Variants in MANSC4 observed in about 807,000 individuals in gnomAD.
The protein encoded by MANSC4 is MANSC domain-containing protein 4.
MANSC4 carries 11 observed loss-of-function variants against 11.4 expected under a neutral mutation model. The ratio of observed to expected loss-of-function variants is 0.97; its 90% CI spans 0.61 to 1.60. The LOEUF (loss-of-function observed/expected upper bound fraction) is 1.60, where lower values mean the gene tolerates loss of function less well. Ranked by LOEUF, MANSC4 falls within the 40% of genes most tolerant of loss-of-function variation. The pLI, the probability that MANSC4 is intolerant of heterozygous loss-of-function variation, is 0.00. For missense variants in MANSC4, 354 were observed against 404.6 expected (o/e 0.88, Z 1.07); for synonymous variants, 123 against 147.1 (o/e 0.84, Z 1.19).
At chr12:27,766,861 C>T (rs1267808705) in intron 2 of MANSC4, 62 bp from the exon 3 acceptor site, 1 of 1,505,006 alleles carries the variant, frequency 6.6e-7, no homozygotes, top group Admixed American at 2.1e-5. Context: ...ATTTCATGAA[C>T]TCTGAGTAAC....
chr12:27,763,970 C>T (rs968616015), intron 3 of MANSC4, among the ~76,000 whole-genome samples: 5 of 152,030 alleles, frequency 3.3e-5, no homozygotes, highest in Admixed American at 6.6e-5. Flanking sequence ...TGAGCTCAAG[C>T]GATCCGCCCG....
At position 27,777,516 on chromosome 12, in the gene MANSC4, C is replaced by T. The variant is rs1051833941; in HGVS notation, c.-307+2694G>A. ...GCTGCTAAATGCTTGATCACTCACT[C>T]CACCTCCTGCTCCAAAGCTTATCGT... On this transcript the variant is annotated intron_variant, in intron 1 of 3. Transcript: ENST00000381273. Among the ~76,000 whole-genome samples the T allele has an allele frequency of 6.6e-5, 10 of 152,210 alleles. 1 individual carries two copies. Among genetic ancestry groups the T allele is most frequent in the African/African-American group, 2.4e-4 (10 of 41,452 alleles).
rs1019509537 is a variant in MANSC4, at chr12:27,780,007, G to C, written c.-307+203C>G. On this transcript the variant is annotated intron_variant, in intron 1 of 3. Coordinates refer to ENST00000381273, the MANE Select transcript of MANSC4 (RefSeq NM_001146221.5). The surrounding 1 kb of genome is among the most constrained non-coding windows in gnomAD (Gnocchi z 8.8). Reference sequence around the variant, plus strand: ...GCGGGCGGAAGTGAGAAGGGCGGCGGGGGAGGAGGCTGCTGGCTGGGAGCT... The same window carrying C: ...GCGGGCGGAAGTGAGAAGGGCGGCGCGGGAGGAGGCTGCTGGCTGGGAGCT... 1.6e-3 allele frequency: 244 copies of C among 152,658 alleles called. 2 individuals are homozygous for C. The highest frequency in any genetic ancestry group is 2.3e-4 in the Non-Finnish European group (16 of 68,570). The allele number at this position is 152,658 out of a possible 1,614,324, so 9.5% of individuals were successfully genotyped here. A position where few individuals can be genotyped will look rare whatever the true frequency, so the allele number is the denominator to read the frequency against.
chr12:27,779,809 C>G (rs1196735703), intron 1 of MANSC4: 2 of 152,026 alleles, frequency 1.3e-5, no homozygotes, highest in African/African-American at 2.4e-5. Flanking sequence ...TCACTGCAGC[C>G]CCCAACAAGC....
At chr12:27,779,280 C>T (rs1359436077) in intron 1 of MANSC4, among the ~76,000 whole-genome samples, 2 of 152,202 alleles carry the variant, frequency 1.3e-5, no homozygotes, top group Non-Finnish European at 2.9e-5. Flanking sequence ...CCAATTTTGT[C>T]AGATCTTTTG....
chr12:27,764,361 C>T (rs1037495866), intron 3 of MANSC4, among the ~76,000 whole-genome samples: 5 of 152,144 alleles, frequency 3.3e-5, no homozygotes, highest in African/African-American at 1.2e-4. Context: ...ACTTCCTGAT[C>T]ACTCACGTCA....
chr12:27,764,574 A>AT (rs200651974), intron 3 of MANSC4, among the ~76,000 whole-genome samples: 2,330 of 151,888 alleles, frequency 0.015, 54 homozygotes, highest in African/African-American at 0.054. Context: ...TTTCAGCTGT[A>AT]TTTTCTCTTC....
At chr12:27,776,333 A>G (rs544991721) in intron 1 of MANSC4, among the ~76,000 whole-genome samples, 2 of 152,244 alleles carry the variant, frequency 1.3e-5, no homozygotes, top group South Asian at 4.1e-4. Flanking sequence ...TTGTTTTCCA[A>G]TTTTTTGTTA....
intron 1 of MANSC4, among the ~76,000 whole-genome samples, chr12:27,773,628 G>T (rs192608646): frequency 5.9e-5 from 9 of 152,346 alleles, no homozygotes; most frequent in African/African-American, 2.2e-4. Context: ...AGTAGCTGTT[G>T]AGTGGAGAGT....
chr12:27,777,867 G>A (rs920709810), intron 1 of MANSC4, among the ~76,000 whole-genome samples: 6 of 151,970 alleles, frequency 3.9e-5, no homozygotes, highest in African/African-American at 1.5e-4. Flanking sequence ...GGATCCCTTG[G>A]GGCCAGGAGT....
intron 1 of MANSC4, among the ~76,000 whole-genome samples, chr12:27,775,024 A>AAATAAAT: frequency 8.9e-6 from 1 of 112,728 alleles, no homozygotes; most frequent in Non-Finnish European, 1.9e-5. Context: ...ATTCCGTCTC[A>AAATAAAT]AAATAAATAA....
chr12:27,768,219 G>A (rs1327248222), intron 2 of MANSC4, among the ~76,000 whole-genome samples: 3 of 151,042 alleles, frequency 2.0e-5, no homozygotes, highest in Non-Finnish European at 4.4e-5. Context: ...CCAACATGGC[G>A]AAACGTCGTC....
chr12:27,763,202 T>A lies in MANSC4; in HGVS notation c.559A>T (p.Asn187Tyr), dbSNP rs1234123308. The A allele has an allele frequency of 1.3e-6, 2 of 1,551,694 alleles. No individual in the cohort carries two copies. The highest frequency in any genetic ancestry group is 4.9e-5 in the East Asian group (2 of 40,922). The change falls in exon 4 of 4, where the codon AAC (asparagine) becomes TAC (tyrosine). Residue 187 changes from asparagine (N) to tyrosine (Y), a missense_variant. Coordinates refer to ENST00000381273, the MANE Select transcript of MANSC4 (RefSeq NM_001146221.5). ...AATTCCTTAGAATAACTGGTACTGT[T>A]TGTGTTTACAACCAAATCTTGATGC... is the stretch of plus-strand genomic sequence containing the variant. Reference protein sequence around the residue: ...TTHQDLVVNTNSTSYSKELTT... With the variant: ...TTHQDLVVNTYSTSYSKELTT...
At chr12:27,770,461 A>G (rs1180059724) in intron 2 of MANSC4, among the ~76,000 whole-genome samples, 2 of 152,112 alleles carry the variant, frequency 1.3e-5, no homozygotes, top group African/African-American at 4.8e-5. Flanking sequence ...GATTACAGGC[A>G]TTAGCCACCG....
At chr12:27,767,073 G>A (rs1034494586) in intron 2 of MANSC4, among the ~76,000 whole-genome samples, 2 of 152,084 alleles carry the variant, frequency 1.3e-5, no homozygotes, top group African/African-American at 4.8e-5. Flanking sequence ...TAGACCTCCC[G>A]GGTCCAAGCA....
chr12:27,776,745 C>A (rs1022804272), intron 1 of MANSC4, among the ~76,000 whole-genome samples: 14 of 152,032 alleles, frequency 9.2e-5, no homozygotes, highest in African/African-American at 2.7e-4. Flanking sequence ...CAGAGTGAGA[C>A]CCTGTCTAAA....
chr12:27,767,781 C>T (rs540354042), intron 2 of MANSC4, among the ~76,000 whole-genome samples: 378 of 152,224 alleles, frequency 2.5e-3, no homozygotes, highest in Non-Finnish European at 2.8e-3. Context: ...TACTAAGGGG[C>T]TGGGGGTCAC....
At chr12:27,763,457 C>T in intron 3 of MANSC4, 61 bp from the exon 4 acceptor site, 1 of 1,454,856 alleles carries the variant, frequency 6.9e-7, no homozygotes, top group East Asian at 2.5e-5. Flanking sequence ...AACCCTAAAG[C>T]ACAGTTTGGA....
chr12:27,779,182 T>A (rs1057136986), intron 1 of MANSC4, among the ~76,000 whole-genome samples: 1 of 151,926 alleles, frequency 6.6e-6, no homozygotes, highest in Admixed American at 6.6e-5. Flanking sequence ...GCACGTGTGG[T>A]CTCTCTTAAT....
Sources: allele counts gnomAD v4.1 joint callset (sites outside exome capture counted in the v4.1 genomes callset), GRCh38; gene constraint gnomAD v4.1.1; non-coding constraint Gnocchi (gnomAD v3.1); transcripts MANE v1.5; gene names NCBI Gene and HGNC (gene_info 2026-07-23, HGNC 2026-07-21).